TDRD15: variants seen among roughly 807,000 people sequenced by gnomAD.
The protein encoded by TDRD15 is tudor domain-containing protein 15.
For missense variants in TDRD15, 1,416 were observed against 904.7 expected (o/e 1.57, Z -7.25); for synonymous variants, 503 against 314.5 (o/e 1.60, Z -6.34).
chr2:21,126,480 C>T (rs1256538812), intron 1 of TDRD15, among the ~76,000 whole-genome samples: 1 of 152,010 alleles, frequency 6.6e-6, no homozygotes, highest in Non-Finnish European at 1.5e-5. Context: ...GATTCTCCTT[C>T]CTCAGGCTCC....
At chr2:21,131,356 T>G (rs1050322058) in intron 2 of TDRD15, among the ~76,000 whole-genome samples, 3 of 152,354 alleles carry the variant, frequency 2.0e-5, no homozygotes, top group East Asian at 3.9e-4. Flanking sequence ...TATTTAAAAA[T>G]TTCAAAGTAC....
At chr2:21,125,633 A>G (rs928449648) in intron 1 of TDRD15, among the ~76,000 whole-genome samples, 9 of 152,040 alleles carry the variant, frequency 5.9e-5, no homozygotes, top group African/African-American at 1.5e-4. Flanking sequence ...TATACATTCA[A>G]TTTTTCTAAC....
intron 2 of TDRD15, among the ~76,000 whole-genome samples, chr2:21,132,199 T>C (rs562258464): frequency 6.6e-6 from 1 of 152,156 alleles, no homozygotes; most frequent in African/African-American, 2.4e-5. Flanking sequence ...AATAAGGTAA[T>C]AGAAAACACG....
intron 2 of TDRD15, among the ~76,000 whole-genome samples, chr2:21,128,782 A>C (rs771903471): frequency 6.6e-6 from 1 of 151,850 alleles, no homozygotes; most frequent in Non-Finnish European, 1.5e-5. Flanking sequence ...TGGCATTTTG[A>C]AAAGAATTTT....
intron 3 of TDRD15, among the ~76,000 whole-genome samples, 194 bp from the exon 4 acceptor site, chr2:21,137,271 T>C (rs1426663848): frequency 6.6e-6 from 1 of 152,058 alleles, no homozygotes; most frequent in African/African-American, 2.4e-5. Context: ...ATTTTAAAAG[T>C]ATAGAAAGCA....
chr2:21,126,761 C>G (rs1323380199), intron 1 of TDRD15, among the ~76,000 whole-genome samples: 1 of 152,130 alleles, frequency 6.6e-6, no homozygotes, highest in Non-Finnish European at 1.5e-5. Context: ...TACAAGTAAA[C>G]TTGCTGTGAA....
rs572312845 is a variant in TDRD15 at position 21,128,797 on chromosome 2, CT to C, written c.-90+1099del. ...TGGCATTTTGAAAAGAATTTTGTTT[CT>C]TTTTTTTTTTTTCTTCACTGTCAGA... On this transcript the variant is annotated intron_variant, in intron 2 of 3. Coordinates refer to ENST00000405799, the MANE Select transcript of TDRD15 (RefSeq NM_001306137.2). 5.9e-3 allele frequency among the ~76,000 whole-genome samples: 821 copies of C among 139,654 alleles called. 3 individuals are homozygous for C. Among genetic ancestry groups the C allele is most frequent in the Middle Eastern group, 7.2e-3 (2 of 278 alleles). The allele number at this position is 139,654 out of a possible 152,430, so 91.6% of individuals were successfully genotyped here.
At chr2:21,145,669 C>T (rs892392380), downstream of TDRD15, among the ~76,000 whole-genome samples, 4 of 151,910 alleles carry the variant, frequency 2.6e-5, no homozygotes, top group African/African-American at 9.7e-5. Context: ...AATAAATTTC[C>T]ATACTTGCTA....
At chr2:21,125,508 TGAGA>T (rs201022463) in intron 1 of TDRD15, among the ~76,000 whole-genome samples, 11 of 151,614 alleles carry the variant, frequency 7.3e-5, no homozygotes, top group South Asian at 2.1e-4. Flanking sequence ...TGTGTGTGCG[TGAGA>T]GAGAGAGTGA....
At chr2:21,131,826 G>A (rs1276792660) in intron 2 of TDRD15, among the ~76,000 whole-genome samples, 2 of 152,008 alleles carry the variant, frequency 1.3e-5, no homozygotes, top group Non-Finnish European at 2.9e-5. Flanking sequence ...GATAAACGTT[G>A]GTAGATATAA....
rs981909886 is a variant in TDRD15, at chr2:21,135,166, GAT to G, written c.-4+323_-4+324del. ...TTTATATAATATATTTTATATATAA[GAT>G]ATAATAAAAAGATATATACATATTT... On this transcript the variant is annotated intron_variant, in intron 3 of 3. Coordinates refer to ENST00000405799, the MANE Select transcript of TDRD15 (RefSeq NM_001306137.2). Among the ~76,000 whole-genome samples the G allele has an allele frequency of 1.8e-3, 263 of 143,822 alleles. 1 individual carries two copies. Among genetic ancestry groups the G allele is most frequent in the African/African-American group, 5.5e-3 (217 of 39,702 alleles). The allele number at this position is 143,822 out of a possible 152,430, so 94.4% of individuals were successfully genotyped here.
downstream of TDRD15, among the ~76,000 whole-genome samples, chr2:21,145,563 A>G (rs955451777): frequency 2.6e-5 from 4 of 152,002 alleles, no homozygotes; most frequent in African/African-American, 9.7e-5. Context: ...CCAAACATTA[A>G]ATTATACTTC....
downstream of TDRD15, among the ~76,000 whole-genome samples, chr2:21,146,805 G>A (rs986469658): frequency 2.0e-5 from 3 of 152,122 alleles, no homozygotes; most frequent in Non-Finnish European, 2.9e-5. Context: ...CATGTGAAAT[G>A]TCAGACTGCG....
At position 21,141,024 on chromosome 2, in the gene TDRD15, G is replaced by A. The variant is rs1665914013; in HGVS notation, c.3557G>A (p.Ser1186Asn). The A allele has an allele frequency of 2.8e-6, 2 of 710,196 alleles. No homozygotes were observed. The highest frequency in any genetic ancestry group is 2.6e-6 in the Non-Finnish European group (1 of 382,696). 44.0% of individuals were successfully genotyped at this position (710,196 alleles called of 1,614,324 possible). The change falls in exon 4 of 4, where the codon AGT becomes AAT. Residue 1186 changes from serine to asparagine, a missense_variant. Coordinates refer to ENST00000405799, the MANE Select transcript of TDRD15 (RefSeq NM_001306137.2). ...NYRHNVINKP[S>N]PVTYSERKID... ...CGCCATAATGTGATAAATAAACCTA[G>A]TCCAGTAACATATTCCGAAAGAAAA...
rs560160245 is a variant in TDRD15, at chr2:21,124,680, T to A, written c.-201+634T>A. On this transcript the variant is annotated intron_variant, in intron 1 of 3. Transcript: ENST00000405799. Reference sequence around the variant, plus strand: ...GGTGTGTGTATGTGTGACAGAGTGATCCTAATGCCAGGGTGCGTGTGTGTG... The same window carrying A: ...GGTGTGTGTATGTGTGACAGAGTGAACCTAATGCCAGGGTGCGTGTGTGTG... 2.3e-3 allele frequency among the ~76,000 whole-genome samples: 253 copies of A among 112,282 alleles called. 2 individuals are homozygous for A. The highest frequency in any genetic ancestry group is 3.9e-3 in the Non-Finnish European group (220 of 56,986). 73.7% of individuals were successfully genotyped at this position (112,282 alleles called of 152,430 possible). A position where few individuals can be genotyped will look rare whatever the true frequency, so the allele number is the denominator to read the frequency against.
chr2:21,137,794 A>G lies in TDRD15; in HGVS notation c.327A>G (p.Ser109=), dbSNP rs1665836595. Residue 109 remains serine (S), a synonymous_variant, in exon 4 of 4, where the codon TCA becomes TCG. Coordinates refer to ENST00000405799, the MANE Select transcript of TDRD15 (RefSeq NM_001306137.2). ...GAGTTGCTGGTCCACAGATTGCTTC[A>G]GCCTGTGGCAATTTATTTGAGCTAC... ...ELRVAGPQIA[S]ACGNLFELPP... is the part of the protein sequence containing the mutation. 1.4e-6 allele frequency: 1 copy of G among 716,522 alleles called. No individual in the cohort carries two copies. Among genetic ancestry groups the G allele is most frequent in the Non-Finnish European group, 2.6e-6 (1 of 384,510 alleles). The allele number at this position is 716,522 out of a possible 1,614,324, so 44.4% of individuals were successfully genotyped here.
chr2:21,138,876 G>GT lies in TDRD15; in HGVS notation c.1413dup (p.Pro472SerfsTer3), dbSNP rs1195803259. Reference sequence around the variant, plus strand: ...AATAAAAAAGGCATTTTAAAAGTAGGTTTTCCCATTAAAACAGTACAAATG... The same window carrying GT: ...AATAAAAAAGGCATTTTAAAAGTAGGTTTTTCCCATTAAAACAGTACAAATG... On this transcript the variant is annotated frameshift_variant, in exon 4 of 4. Coordinates refer to ENST00000405799, the MANE Select transcript of TDRD15 (RefSeq NM_001306137.2). LOFTEE classifies it low-confidence loss of function (END_TRUNC). 1 of 715,610 alleles carries GT rather than the reference G, an allele frequency of 1.4e-6. No individual in the cohort carries two copies. The highest frequency in any genetic ancestry group is 1.5e-5 in the South Asian group (1 of 67,458). The allele number at this position is 715,610 out of a possible 1,614,324, so 44.3% of individuals were successfully genotyped here.
intron 1 of TDRD15, 57 bp downstream of exon 1, chr2:21,124,103 A>G (rs997909241): frequency 6.6e-6 from 1 of 152,524 alleles, no homozygotes; most frequent in Non-Finnish European, 1.5e-5. Flanking sequence ...ATTGGTTTCC[A>G]TGGTACTTCC....
chr2:21,138,715 T>C lies in TDRD15; in HGVS notation c.1248T>C (p.Thr416=). 1.4e-6 allele frequency: 1 copy of C among 716,032 alleles called. No individual in the cohort carries two copies. The highest frequency in any genetic ancestry group is 2.6e-6 in the Non-Finnish European group (1 of 384,216). 44.4% of individuals were successfully genotyped at this position (716,032 alleles called of 1,614,324 possible). A position where few individuals can be genotyped will look rare whatever the true frequency, so the allele number is the denominator to read the frequency against. The change falls in exon 4 of 4, where the codon ACT becomes ACC. Residue 416 remains threonine, a synonymous_variant. Transcript: ENST00000405799. ...TTAATTCTAAGTGTCTACTGAAGAC[T>C]GTAGGCACACAAGTACTTTGTCCGA... The part of the protein sequence containing the change: ...STVNSKCLLK[T]VGTQVLCPMS...
Sources: gnomAD v4.1 joint callset for allele counts (sites outside exome capture counted in the v4.1 genomes callset) on GRCh38, gnomAD v4.1.1 for gene constraint, MANE v1.5 for transcripts, NCBI Gene and HGNC (gene_info 2026-07-23, HGNC 2026-07-21) for gene names.